ESRRG: variants seen among roughly 807,000 people sequenced by gnomAD.
The protein encoded by ESRRG is estrogen related receptor gamma.
In ESRRG, 13 loss-of-function variants were observed where a neutral mutation model predicts 44.0. The observed-to-expected ratio is 0.30, with a 90% CI of 0.19 to 0.47. The LOEUF is 0.47. Ranked by LOEUF, ESRRG falls within the 20% of genes least tolerant of loss-of-function variation. The probability of loss-of-function intolerance (pLI) is 1.00; values close to 1 mark genes in which losing one functional copy is unlikely to be tolerated. For missense variants in ESRRG, 395 were observed against 580.6 expected, an observed-to-expected ratio of 0.68 and a Z score of 3.29; for synonymous variants, 215 against 214.6, an observed-to-expected ratio of 1.00 and a Z score of -0.02.
chr1:216,795,624 C>T (rs1244579023), intron 2 of ESRRG, among the ~76,000 whole-genome samples: 4 of 151,652 alleles, frequency 2.6e-5, no homozygotes, highest in African/African-American at 4.8e-5. Context: ...TACAGGTGCA[C>T]GCCACTGCAC....
intron 1 of ESRRG, among the ~76,000 whole-genome samples, chr1:217,103,345 C>A (rs2092545873): frequency 2.6e-5 from 4 of 151,842 alleles, no homozygotes; most frequent in Admixed American, 2.6e-4. Context: ...GCTCAATGAG[C>A]AACAGTTAAA....
Position 216,614,088 on chromosome 1 carries a change from C to T in ESRRG, c.589+36885G>A, listed in dbSNP as rs187649902. 7.6e-4 allele frequency among the ~76,000 whole-genome samples: 116 copies of T among 152,308 alleles called. 1 individual carries two copies. Among genetic ancestry groups the T allele is most frequent in the East Asian group, 1.9e-4 (1 of 5,180 alleles). ...CACCATTTTGCAGATCAAAGAGAGA[C>T]GATTTATGCTTTCATCTAGCTGACG... is the stretch of plus-strand genomic sequence containing the variant. On this transcript the variant is annotated intron_variant, in intron 3 of 6. Coordinates refer to ENST00000408911, the MANE Select transcript of ESRRG (RefSeq NM_001438.4).
At chr1:216,578,965 G>A (rs2062201616) in intron 3 of ESRRG, among the ~76,000 whole-genome samples, 1 of 152,020 alleles carries the variant, frequency 6.6e-6, no homozygotes, top group African/African-American at 2.4e-5. Context: ...AGAGAATTAT[G>A]AATACTGGTG....
chr1:216,845,886 A>G (rs1387378105), intron 2 of ESRRG, among the ~76,000 whole-genome samples: 1 of 152,074 alleles, frequency 6.6e-6, no homozygotes, highest in Non-Finnish European at 1.5e-5. Flanking sequence ...TCCACTCAGG[A>G]TGTCTCCACT....
At chr1:217,000,244 T>C (rs1188672164) in intron 1 of ESRRG, 1 of 152,176 alleles carries the variant, frequency 6.6e-6, no homozygotes, top group African/African-American at 2.4e-5. Flanking sequence ...AAACAGAAAT[T>C]TGTCTCACAG....
intron 1 of ESRRG, among the ~76,000 whole-genome samples, chr1:217,112,509 C>T (rs2092672334): frequency 6.6e-6 from 1 of 152,158 alleles, no homozygotes; most frequent in Admixed American, 6.5e-5. Context: ...ATAGAAGAGA[C>T]AGTGTACCTA....
chr1:216,609,817 T>G (rs11572732), intron 3 of ESRRG, among the ~76,000 whole-genome samples: 2,783 of 152,334 alleles, frequency 0.018, 91 homozygotes, highest in African/African-American at 0.063. Flanking sequence ...GTCAAAATCT[T>G]CATTAGGGGT....
At chr1:216,570,259 C>A (rs1263395832) in intron 3 of ESRRG, among the ~76,000 whole-genome samples, 1 of 151,890 alleles carries the variant, frequency 6.6e-6, no homozygotes, top group African/African-American at 2.4e-5. Flanking sequence ...ATATCAAAAC[C>A]CAAAAAAGTT....
intron 2 of ESRRG, among the ~76,000 whole-genome samples, chr1:216,670,648 C>G (rs971185679): frequency 6.6e-6 from 1 of 152,188 alleles, no homozygotes; most frequent in Non-Finnish European, 1.5e-5. Context: ...GGGACTCTCT[C>G]TTGGGTCTGT....
At chr1:216,569,497 G>A (rs1482105172) in intron 3 of ESRRG, among the ~76,000 whole-genome samples, 2 of 152,072 alleles carry the variant, frequency 1.3e-5, no homozygotes, top group East Asian at 3.9e-4. Context: ...AAAAGCCAAG[G>A]GAATGAATGG....
At chr1:216,929,322 C>T (rs767124991) in intron 2 of ESRRG, among the ~76,000 whole-genome samples, 28 of 151,380 alleles carry the variant, frequency 1.8e-4, no homozygotes, top group Admixed American at 7.2e-4. Context: ...TGTGCAACTA[C>T]TCTGTGACAA....
chr1:216,638,904 G>A (rs2065840510), intron 3 of ESRRG, among the ~76,000 whole-genome samples: 1 of 152,168 alleles, frequency 6.6e-6, no homozygotes, highest in Admixed American at 6.5e-5. Flanking sequence ...ATGTACTTCT[G>A]CCATAGCAGA....
intron 1 of ESRRG, among the ~76,000 whole-genome samples, chr1:217,029,871 C>T (rs749547520): frequency 6.6e-5 from 10 of 152,086 alleles, no homozygotes; most frequent in African/African-American, 1.2e-4. Context: ...AGGAAAGGCG[C>T]GGGTTTGAGG....
chr1:216,599,184 C>A (rs1451643815), intron 3 of ESRRG, among the ~76,000 whole-genome samples: 2 of 151,904 alleles, frequency 1.3e-5, no homozygotes, highest in Non-Finnish European at 2.9e-5. Flanking sequence ...TTATAATCAA[C>A]CCACAATTAA....
intron 2 of ESRRG, among the ~76,000 whole-genome samples, chr1:216,800,092 C>A (rs537734493): frequency 6.6e-6 from 1 of 152,086 alleles, no homozygotes; most frequent in Non-Finnish European, 1.5e-5. Context: ...ACTAAAAATT[C>A]GGTTGTAAAT....
chr1:216,649,436 A>G (rs1228520950), intron 3 of ESRRG, among the ~76,000 whole-genome samples: 2 of 152,012 alleles, frequency 1.3e-5, no homozygotes, highest in Non-Finnish European at 2.9e-5. Context: ...ATACACATGT[A>G]TATCCATCAC....
rs1467446260 is a variant in ESRRG, at chr1:216,821,705, T to TAA, written c.-14+117875_-14+117876dup. ...GCCTCAGGAAAAATAAATAAATAAATAAATAAATAAATAAATAAATAAATA... is the reference window on the plus strand; with the variant it reads ...GCCTCAGGAAAAATAAATAAATAAATAAAAATAAATAAATAAATAAATAAATA... On this transcript the variant is annotated intron_variant, in intron 2 of 7. Transcript: ENST00000359162. Among the ~76,000 whole-genome samples the TAA allele has an allele frequency of 4.0e-4, 35 of 87,924 alleles. 2 individuals carry two copies. The highest frequency in any genetic ancestry group is 1.5e-3 in the South Asian group (4 of 2,626). 57.7% of individuals were successfully genotyped at this position (87,924 alleles called of 152,430 possible).
chr1:217,056,200 C>A (rs527822761), intron 1 of ESRRG, among the ~76,000 whole-genome samples: 2 of 152,138 alleles, frequency 1.3e-5, no homozygotes, highest in African/African-American at 2.4e-5. Flanking sequence ...AGCCTACTCA[C>A]CAAACCCTGC....
At chr1:216,522,855 T>A (rs931652828) in intron 5 of ESRRG, among the ~76,000 whole-genome samples, 1 of 152,186 alleles carries the variant, frequency 6.6e-6, no homozygotes, top group Non-Finnish European at 1.5e-5. Flanking sequence ...TACACATGCT[T>A]GTATCCAAAT....
Sources: allele counts gnomAD v4.1 joint callset (sites outside exome capture counted in the v4.1 genomes callset), GRCh38; gene constraint gnomAD v4.1.1; transcripts MANE v1.5; gene names NCBI Gene and HGNC (gene_info 2026-07-23, HGNC 2026-07-21).